Variants in RAD54L2 observed in about 807,000 individuals in gnomAD.
The protein encoded by RAD54L2 is helicase ARIP4.
Under a neutral mutation model 138.4 loss-of-function variants are expected in RAD54L2, and 27 were observed. The ratio of observed to expected loss-of-function variants is 0.20; its 90% confidence interval spans 0.14 to 0.27. The LOEUF (loss-of-function observed/expected upper bound fraction) is 0.27, where lower values mean the gene tolerates loss of function less well. RAD54L2 is among the 10% of genes least tolerant of loss of function. The pLI is 1.00. For synonymous variants in RAD54L2, 644 were observed against 723.2 expected, an observed-to-expected ratio of 0.89 and a Z score of 1.76; for missense variants, 1,396 against 1,890.2, an observed-to-expected ratio of 0.74 and a Z score of 4.85.
At chr3:51,582,766 C>CTTTTTTTTTTTTTTTTTTT (rs61245532) in intron 2 of RAD54L2, among the ~76,000 whole-genome samples, 91 of 147,274 alleles carry the variant, frequency 6.2e-4, no homozygotes, top group African/African-American at 2.2e-3. Context: ...CCAGGGAAGT[C>CTTTTTTTTTTTTTTTTTTT]TTTTTTTTTT....
In RAD54L2 at chr3:51,637,331, T is replaced by C; in HGVS notation, c.1510T>C (p.Cys504Arg). The C allele has an allele frequency of 6.2e-7, 1 of 1,613,666 alleles. No individual in the cohort carries two copies. Among genetic ancestry groups the C allele is most frequent in the Non-Finnish European group, 8.5e-7 (1 of 1,179,788 alleles). Residue 504 changes from cysteine (C) to arginine (R), a missense_variant, in exon 11 of 23, where the codon TGC becomes CGC. Physicochemically the swap from Cys to Arg is radical, Grantham distance 180 (BLOSUM62 -3). Around this residue, in one of 7 missense-constraint regions of RAD54L2, gnomAD observed 36 missense variants for 107.2 expected, o/e 0.34. Transcript: ENST00000684192. The surrounding 1 kb of genome is among the most constrained non-coding windows in gnomAD (Gnocchi z 5.9). ...GCAAAACAACCTCATTGAGTACTGG[T>C]GCATGGTGGACTTTGTGCGCCCAGA... ...PLQNNLIEYW[C>R]MVDFVRPDFL... is the part of the protein sequence containing the mutation.
At chr3:51,556,822 C>T (rs1306157359) in intron 2 of RAD54L2, among the ~76,000 whole-genome samples, 4 of 151,878 alleles carry the variant, frequency 2.6e-5, no homozygotes, top group African/African-American at 9.7e-5. Context: ...GTGATCCGCC[C>T]GCCTCTGCCT....
intron 19 of RAD54L2, among the ~76,000 whole-genome samples, chr3:51,653,320 T>TA (rs1701493490): frequency 6.6e-6 from 1 of 152,232 alleles, no homozygotes; most frequent in South Asian, 2.1e-4. Flanking sequence ...GGAACACTTT[T>TA]ACACTGTTGG....
chr3:51,578,711 T>G (rs1699540234), intron 2 of RAD54L2, among the ~76,000 whole-genome samples: 1 of 152,062 alleles, frequency 6.6e-6, no homozygotes, highest in Non-Finnish European at 1.5e-5. Context: ...AGCAAACTCT[T>G]TACTGGCCTC....
intron 2 of RAD54L2, among the ~76,000 whole-genome samples, chr3:51,575,723 C>T (rs1699465257): frequency 6.6e-6 from 1 of 152,176 alleles, no homozygotes; most frequent in Admixed American, 6.5e-5. Flanking sequence ...GCTGAAGTTG[C>T]TTATCAGCTT....
rs772275343 is a variant in RAD54L2, at chr3:51,638,327, T to C, written c.1860+6T>C. The C allele has an allele frequency of 8.1e-6, 13 of 1,613,204 alleles. No individual in the cohort carries two copies. The highest frequency in any genetic ancestry group is 1.0e-5 in the Non-Finnish European group (12 of 1,179,694). ...CATTCTGTGTGTGTTGCAAGGTGCATTGGGGCCTCAGGGAAGATTGAGATG... is the reference window on the plus strand; with the variant it reads ...CATTCTGTGTGTGTTGCAAGGTGCACTGGGGCCTCAGGGAAGATTGAGATG... On this transcript the variant is annotated splice_donor_region_variant and intron_variant, in intron 12 of 22. Coordinates refer to ENST00000684192, the MANE Select transcript of RAD54L2 (RefSeq NM_015106.4). The surrounding 1 kb of genome is among the most constrained non-coding windows in gnomAD (Gnocchi z 4.3).
At chr3:51,565,713 T>G (rs1431425773) in intron 2 of RAD54L2, among the ~76,000 whole-genome samples, 4 of 152,142 alleles carry the variant, frequency 2.6e-5, no homozygotes, top group Admixed American at 2.6e-4. Flanking sequence ...CCTCAGGTGA[T>G]CCGCCCGTCT....
intron 3 of RAD54L2, among the ~76,000 whole-genome samples, chr3:51,592,583 CT>C (rs1233142393): frequency 6.6e-6 from 1 of 151,340 alleles, no homozygotes; most frequent in Non-Finnish European, 1.5e-5. Flanking sequence ...CCTATTTTAC[CT>C]CTTAAAGCTT....
At chr3:51,556,346 T>A (rs1285125540) in intron 2 of RAD54L2, among the ~76,000 whole-genome samples, 1 of 152,090 alleles carries the variant, frequency 6.6e-6, no homozygotes, top group African/African-American at 2.4e-5. Flanking sequence ...TGCAATCTGC[T>A]CCCTATGGCC....
intron 3 of RAD54L2, among the ~76,000 whole-genome samples, chr3:51,593,325 CTT>C (rs57001963): frequency 1.1e-4 from 16 of 142,986 alleles, no homozygotes; most frequent in East Asian, 2.0e-4. Flanking sequence ...ACTTCAGCCC[CTT>C]TTTTTTTTTT....
intron 1 of RAD54L2, among the ~76,000 whole-genome samples, chr3:51,540,709 CATT>C (rs1698528439): frequency 6.6e-6 from 1 of 152,200 alleles, no homozygotes; most frequent in South Asian, 2.1e-4. Flanking sequence ...TTATTGTAAA[CATT>C]ATCTTTTTCC....
chr3:51,567,295 T>A (rs899813753), intron 2 of RAD54L2, among the ~76,000 whole-genome samples: 66 of 152,240 alleles, frequency 4.3e-4, no homozygotes, highest in African/African-American at 1.5e-3. Flanking sequence ...TCTACATGTT[T>A]CGCAGTGGGA....
intron 3 of RAD54L2, among the ~76,000 whole-genome samples, chr3:51,626,616 TG>T (rs1243408691): frequency 1.3e-5 from 2 of 151,508 alleles, no homozygotes; most frequent in African/African-American, 4.9e-5. Context: ...GGCTAATTTT[TG>T]TATTTTTAGT....
chr3:51,573,931 T>G (rs1373298570), intron 2 of RAD54L2, among the ~76,000 whole-genome samples: 4 of 152,168 alleles, frequency 2.6e-5, no homozygotes, highest in Admixed American at 2.6e-4. Context: ...TGTGCCATGT[T>G]GGTGTGCTGC....
At chr3:51,653,261 C>G (rs576581216) in intron 19 of RAD54L2, among the ~76,000 whole-genome samples, 62 of 152,254 alleles carry the variant, frequency 4.1e-4, no homozygotes, top group Admixed American at 3.9e-3. Flanking sequence ...GAATGGTGAT[C>G]ATTAAAAAGT....
At chr3:51,639,398 C>G (rs1559647904) in intron 12 of RAD54L2, 21 bp from the exon 13 acceptor site, 1 of 1,612,498 alleles carries the variant, frequency 6.2e-7, no homozygotes, top group East Asian at 2.2e-5. Context: ...TGTGTCTCCT[C>G]TCCCTTTCCT....
At chr3:51,608,912 C>T (rs991868137) in intron 3 of RAD54L2, among the ~76,000 whole-genome samples, 15 of 152,146 alleles carry the variant, frequency 9.9e-5, no homozygotes, top group African/African-American at 3.1e-4. Context: ...TATTTTGAGA[C>T]GGTAGTCTAG....
intron 3 of RAD54L2, among the ~76,000 whole-genome samples, chr3:51,608,521 C>G (rs1398963192): frequency 6.6e-6 from 1 of 152,186 alleles, no homozygotes; most frequent in African/African-American, 2.4e-5. Flanking sequence ...CACCACTGCA[C>G]TCCAGCCTGG....
intron 3 of RAD54L2, among the ~76,000 whole-genome samples, chr3:51,609,223 C>G (rs548394938): frequency 2.8e-4 from 42 of 152,352 alleles, no homozygotes; most frequent in African/African-American, 1.0e-3. Flanking sequence ...TACCTGTCTT[C>G]TCTGACCAGA....
Sources: gnomAD v4.1 joint callset for allele counts (sites outside exome capture counted in the v4.1 genomes callset) on GRCh38, gnomAD v4.1.1 for gene constraint, gnomAD v4.1.1 regional missense constraint, Gnocchi (gnomAD v3.1) non-coding constraint, MANE v1.5 for transcripts, NCBI Gene and HGNC (gene_info 2026-07-23, HGNC 2026-07-21) for gene names.